The following ADARB2 variants were observed in gnomAD, a reference collection of about 807,000 sequenced individuals.
The protein encoded by ADARB2 is inactive double-stranded RNA-specific editase B2.
In ADARB2, 25 loss-of-function variants were observed where a neutral mutation model predicts 62.2. The observed-to-expected ratio is 0.40, with a 90% CI of 0.29 to 0.56. ADARB2 has a LOEUF of 0.56. ADARB2 is among the 20% of genes least tolerant of loss of function. The pLI is 0.43. For synonymous variants in ADARB2, 572 were observed against 500.8 expected, an observed-to-expected ratio of 1.14 and a Z score of -1.90; for missense variants, 1,071 against 1,077.4, an observed-to-expected ratio of 0.99 and a Z score of 0.08.
intron 1 of ADARB2, among the ~76,000 whole-genome samples, chr10:1,488,326 C>T (rs1201540920): frequency 6.6e-5 from 10 of 152,156 alleles, no homozygotes; most frequent in Non-Finnish European, 1.2e-4. Flanking sequence ...TATTTGCTCA[C>T]ATCACATGAG....
At chr10:1,185,188 C>G (rs76394467) in intron 8 of ADARB2, 149 bp from the exon 9 acceptor site, 1 of 1,095,384 alleles carries the variant, frequency 9.1e-7, no homozygotes. Flanking sequence ...ACGTGTCACC[C>G]GCAGGGCGGA....
At chr10:1,444,012 CCCATCCATCCAT>C (rs766674526) in intron 1 of ADARB2, among the ~76,000 whole-genome samples, 14 of 150,544 alleles carry the variant, frequency 9.3e-5, no homozygotes, top group Non-Finnish European at 1.2e-4. Context: ...TGTCCATCCA[CCCATCCATCCAT>C]CCATCCATCC....
intron 1 of ADARB2, among the ~76,000 whole-genome samples, chr10:1,694,057 C>G (rs190799088): frequency 2.6e-5 from 4 of 152,148 alleles, no homozygotes; most frequent in African/African-American, 4.8e-5. Flanking sequence ...CTTCTTGGAG[C>G]CTTTAATATT....
chr10:1,290,471 C>G (rs1386992491), intron 3 of ADARB2: 1 of 152,246 alleles, frequency 6.6e-6, no homozygotes, highest in Non-Finnish European at 1.5e-5. Flanking sequence ...GGGAGGTGGG[C>G]TGGCTCGCTG....
intron 2 of ADARB2, among the ~76,000 whole-genome samples, chr10:1,376,161 T>A (rs573472449): frequency 6.6e-6 from 1 of 152,332 alleles, no homozygotes; most frequent in East Asian, 1.9e-4. Flanking sequence ...GCGCTGGCAA[T>A]GCCACAGGGA....
intron 1 of ADARB2, among the ~76,000 whole-genome samples, chr10:1,475,927 A>G (rs999102076): frequency 2.0e-5 from 3 of 152,180 alleles, no homozygotes; most frequent in African/African-American, 7.2e-5. Context: ...AAACACGAAC[A>G]TTTTTGTTTC....
intron 1 of ADARB2, among the ~76,000 whole-genome samples, chr10:1,565,703 T>G (rs1006208826): frequency 6.6e-5 from 10 of 152,204 alleles, no homozygotes; most frequent in African/African-American, 2.4e-4. Flanking sequence ...TTTTCCACAA[T>G]TTGTCCCGGC....
At chr10:1,217,201 A>G in intron 6 of ADARB2, 82 bp from the exon 7 acceptor site, 1 of 1,360,834 alleles carries the variant, frequency 7.3e-7, no homozygotes, top group South Asian at 1.5e-5. Context: ...AAGGACTGCA[A>G]CAGAGGTCAA....
rs1410251686 is a variant in ADARB2, at chr10:1,566,075, A to C, written c.100+170976T>G. 5.8e-3 allele frequency among the ~76,000 whole-genome samples: 63 copies of C among 10,954 alleles called. 3 individuals are homozygous for C. The highest frequency in any genetic ancestry group is 0.014 in the African/African-American group (58 of 4,058). 7.2% of individuals were successfully genotyped at this position (10,954 alleles called of 152,430 possible). On this transcript the variant is annotated intron_variant, in intron 1 of 9. Coordinates refer to ENST00000381312, the MANE Select transcript of ADARB2 (RefSeq NM_018702.4). ...GAGCTCAGTCTAGCAAAAAAAAAAA[A>C]AAAAAAAAAAAAAAAAAAAAAAAAA...
At chr10:1,543,734 T>G (rs907962757) in intron 1 of ADARB2, among the ~76,000 whole-genome samples, 1 of 152,212 alleles carries the variant, frequency 6.6e-6, no homozygotes, top group Non-Finnish European at 1.5e-5. Context: ...TCTGTGCCTG[T>G]GCTCTCCTGA....
rs559654277 is a variant in ADARB2, at chr10:1,424,509, C to T, written c.101-45349G>A. ...TTTACAAATGACTTCCGTTTACCACCGGACAGTTCTATTGCTGAGTGGTCT... is the reference window on the plus strand; with the variant it reads ...TTTACAAATGACTTCCGTTTACCACTGGACAGTTCTATTGCTGAGTGGTCT... On this transcript the variant is annotated intron_variant, in intron 1 of 9. Coordinates refer to ENST00000381312, the MANE Select transcript of ADARB2 (RefSeq NM_018702.4). Among the ~76,000 whole-genome samples the T allele has an allele frequency of 2.1e-4, 32 of 152,200 alleles. No homozygotes were observed. In the Middle Eastern group the frequency reaches 0.017, roughly 81 times the overall value.
intron 3 of ADARB2, among the ~76,000 whole-genome samples, chr10:1,283,418 T>A (rs1386883111): frequency 6.6e-6 from 1 of 152,218 alleles, no homozygotes; most frequent in Non-Finnish European, 1.5e-5. Context: ...TTAACAATCC[T>A]GTGAATTAAT....
intron 1 of ADARB2, among the ~76,000 whole-genome samples, chr10:1,422,193 A>C (rs1832857759): frequency 6.6e-6 from 1 of 152,268 alleles, no homozygotes; most frequent in South Asian, 2.1e-4. Flanking sequence ...ACATCAAAGG[A>C]AAGATTCAAA....
chr10:1,372,505 T>A (rs1832382063), intron 2 of ADARB2, among the ~76,000 whole-genome samples: 1 of 152,094 alleles, frequency 6.6e-6, no homozygotes, highest in African/African-American at 2.4e-5. Flanking sequence ...ACCTATCAAA[T>A]GTTGCAGGCC....
chr10:1,358,647 C>CAAGACA (rs1832219570), intron 3 of ADARB2, among the ~76,000 whole-genome samples: 1 of 150,940 alleles, frequency 6.6e-6, no homozygotes, highest in Non-Finnish European at 1.5e-5. Context: ...TTTTTTTCAG[C>CAAGACA]AAAACAAAGA....
chr10:1,420,303 G>A (rs1832841114), intron 1 of ADARB2, among the ~76,000 whole-genome samples: 1 of 152,186 alleles, frequency 6.6e-6, no homozygotes, highest in Non-Finnish European at 1.5e-5. Context: ...GGACAGCTAC[G>A]TGTAAGGCTG....
chr10:1,375,258 G>T (rs143386974), intron 2 of ADARB2, among the ~76,000 whole-genome samples: 2 of 152,326 alleles, frequency 1.3e-5, no homozygotes, highest in East Asian at 3.9e-4. Context: ...AGGTTACAGT[G>T]GCCAGATGGC....
At chr10:1,577,701 C>T (rs10794762) in intron 1 of ADARB2, among the ~76,000 whole-genome samples, 43,410 of 151,908 alleles carry the variant, frequency 0.29, 6,354 homozygotes, top group South Asian at 0.34. Context: ...CTGCCGCACA[C>T]GACACACAGG....
chr10:1,663,412 C>T (rs944138606), intron 1 of ADARB2, among the ~76,000 whole-genome samples: 3 of 152,194 alleles, frequency 2.0e-5, no homozygotes, highest in Middle Eastern at 3.2e-3. Flanking sequence ...CTGCCACTCC[C>T]GAAACGCCCT....
Sources: allele counts gnomAD v4.1 joint callset (sites outside exome capture counted in the v4.1 genomes callset), GRCh38; gene constraint gnomAD v4.1.1; transcripts MANE v1.5; gene names NCBI Gene and HGNC (gene_info 2026-07-23, HGNC 2026-07-21).